IRAK2: variants seen among roughly 807,000 people sequenced by gnomAD.
The protein encoded by IRAK2 is interleukin-1 receptor-associated kinase-like 2.
IRAK2 carries 57 observed loss-of-function variants against 72.0 expected under a neutral mutation model. That is an observed-to-expected ratio of 0.79 (90% confidence interval 0.64 to 0.99). The LOEUF is 0.99. Among genes scored for constraint, IRAK2 ranks in the 50% least tolerant of loss-of-function variants. The pLI is 0.00. For missense variants in IRAK2, 790 were observed against 794.4 expected (o/e 0.99, Z 0.07); for synonymous variants, 293 against 312.7 (o/e 0.94, Z 0.67).
chr3:10,200,825 C>CG, intron 3 of IRAK2, among the ~76,000 whole-genome samples: 1 of 152,300 alleles, frequency 6.6e-6, no homozygotes, highest in African/African-American at 2.4e-5. Context: ...TGCTCGAGCC[C>CG]AGGAGTGCAA....
chr3:10,239,269 C>A (rs907810201), intron 12 of IRAK2, among the ~76,000 whole-genome samples: 1 of 152,202 alleles, frequency 6.6e-6, no homozygotes, highest in Admixed American at 6.5e-5. Flanking sequence ...CCTCCAAAAT[C>A]TCTCTCACCT....
chr3:10,165,799 A>T (rs1019185140), intron 1 of IRAK2, among the ~76,000 whole-genome samples: 39 of 134,380 alleles, frequency 2.9e-4, no homozygotes, highest in Admixed American at 5.1e-4. Context: ...GGCGCGATCT[A>T]GGCTCGTTGC....
intron 4 of IRAK2, among the ~76,000 whole-genome samples, chr3:10,211,997 G>A (rs544986829): frequency 2.0e-5 from 3 of 151,072 alleles, no homozygotes; most frequent in Non-Finnish European, 4.4e-5. Context: ...GGAGAATGGC[G>A]TGAACCTGGG....
At chr3:10,219,627 A>G in intron 7 of IRAK2, 53 bp from the exon 8 acceptor site, 3 of 1,400,200 alleles carry the variant, frequency 2.1e-6, no homozygotes. Context: ...TGCCATCAGG[A>G]CTTTAAAAAG....
chr3:10,236,801 G>C lies in IRAK2; in HGVS notation c.1474-1947G>C, dbSNP rs563432927. Among the ~76,000 whole-genome samples the C allele has an allele frequency of 3.3e-5, 5 of 152,328 alleles. No homozygotes were observed. In the South Asian group the frequency reaches 1.0e-3, roughly 32 times the overall value. On this transcript the variant is annotated intron_variant, in intron 11 of 12. Coordinates refer to ENST00000256458, the MANE Select transcript of IRAK2 (RefSeq NM_001570.4). Reference sequence around the variant, plus strand: ...TGTCACTTAAGGTGCAGGTGAAACTGCTATAACAAGGAGACTGCAAAATGC... The same window carrying C: ...TGTCACTTAAGGTGCAGGTGAAACTCCTATAACAAGGAGACTGCAAAATGC...
At chr3:10,235,161 G>T (rs564775437) in intron 11 of IRAK2, among the ~76,000 whole-genome samples, 1 of 152,250 alleles carries the variant, frequency 6.6e-6, no homozygotes, top group South Asian at 2.1e-4. Flanking sequence ...TCGGCGCCAG[G>T]TCCCAAAGAA....
intron 3 of IRAK2, among the ~76,000 whole-genome samples, chr3:10,207,551 C>G (rs1466965685): frequency 6.6e-6 from 1 of 152,176 alleles, no homozygotes; most frequent in Admixed American, 6.5e-5. Context: ...AGGAGCCCCC[C>G]TACCAGATGG....
At position 10,218,435 on chromosome 3, in the gene IRAK2, A is replaced by C. The variant is rs1438993321; in HGVS notation, c.904-1245A>C. On this transcript the variant is annotated intron_variant, in intron 7 of 12. Coordinates refer to ENST00000256458, the MANE Select transcript of IRAK2 (RefSeq NM_001570.4). Reference sequence around the variant, plus strand: ...TGAGACTCCGTCTCAAAAAAAAAAAAAAAAAAAAAACCAAAACGGTGATGA... The same window carrying C: ...TGAGACTCCGTCTCAAAAAAAAAAACAAAAAAAAAACCAAAACGGTGATGA... Among the ~76,000 whole-genome samples the C allele has an allele frequency of 1.9e-3, 248 of 133,766 alleles. 8 individuals carry two copies. Among genetic ancestry groups the C allele is most frequent in the African/African-American group, 6.2e-3 (223 of 36,088 alleles). 87.8% of individuals were successfully genotyped at this position (133,766 alleles called of 152,430 possible).
intron 1 of IRAK2, among the ~76,000 whole-genome samples, 178 bp from the exon 2 acceptor site, chr3:10,177,660 C>T (rs545559560): frequency 6.3e-4 from 96 of 152,308 alleles, no homozygotes; most frequent in African/African-American, 2.2e-3. Flanking sequence ...GGGTGCCCAG[C>T]AGAGTCAGCG....
intron 12 of IRAK2, 92 bp downstream of exon 12, chr3:10,239,131 C>A: frequency 8.4e-7 from 1 of 1,195,494 alleles, no homozygotes; most frequent in Non-Finnish European, 1.1e-6. Context: ...TCATTCACTC[C>A]TTCATTTGGT....
chr3:10,168,383 G>A (rs1321460476), intron 1 of IRAK2, among the ~76,000 whole-genome samples: 2 of 151,708 alleles, frequency 1.3e-5, no homozygotes, highest in African/African-American at 4.8e-5. Context: ...ACTAATTTTT[G>A]TATCTTCAGT....
intron 1 of IRAK2, 101 bp downstream of exon 1, chr3:10,165,149 G>A: frequency 1.9e-6 from 2 of 1,036,546 alleles, no homozygotes; most frequent in Non-Finnish European, 2.9e-6. Context: ...CGGGTTCAGC[G>A]GGTCCCGATC....
chr3:10,177,255 C>T (rs2125142243), intron 1 of IRAK2, among the ~76,000 whole-genome samples: 1 of 152,268 alleles, frequency 6.6e-6, no homozygotes, highest in Middle Eastern at 3.4e-3. Flanking sequence ...TTGAGTTCCC[C>T]TGACCAGGAC....
At chr3:10,234,968 C>T (rs941985088) in intron 11 of IRAK2, among the ~76,000 whole-genome samples, 1 of 152,224 alleles carries the variant, frequency 6.6e-6, no homozygotes, top group Non-Finnish European at 1.5e-5. Context: ...TCTGTGTTCT[C>T]TGGAGGGAAC....
intron 3 of IRAK2, among the ~76,000 whole-genome samples, chr3:10,208,371 G>A (rs74603251): frequency 7.2e-5 from 11 of 151,726 alleles, no homozygotes; most frequent in African/African-American, 2.7e-4. Context: ...GTGTGATCAT[G>A]GCTCAATATA....
intron 8 of IRAK2, 122 bp from the exon 9 acceptor site, chr3:10,222,514 T>A: frequency 4.0e-6 from 3 of 753,358 alleles, no homozygotes; most frequent in Admixed American, 4.5e-5. Context: ...ATGCTGAGGG[T>A]CTTTAGAGAC....
Position 10,242,751 on chromosome 3 carries a change from C to T in IRAK2, c.*523C>T, listed in dbSNP as rs1368160954. ...GGTCTCGCTTTGTTGGCGCAATCCT[C>T]CCACCTCAGACTCCCAAAGTGCTGG... On this transcript the variant is annotated 3_prime_UTR_variant, in exon 13 of 13. Transcript: ENST00000256458. 1 of 152,182 alleles carries T rather than the reference C, an allele frequency of 6.6e-6. No individual in the cohort carries two copies. 9.4% of individuals were successfully genotyped at this position (152,182 alleles called of 1,614,324 possible).
intron 1 of IRAK2, among the ~76,000 whole-genome samples, chr3:10,173,827 A>T (rs972619131): frequency 1.3e-5 from 2 of 152,216 alleles, no homozygotes; most frequent in Non-Finnish European, 2.9e-5. Flanking sequence ...TCCGTCTGAA[A>T]AAAACTAAAT....
At chr3:10,178,300 A>G (rs989100032) in intron 2 of IRAK2, among the ~76,000 whole-genome samples, 2 of 152,080 alleles carry the variant, frequency 1.3e-5, no homozygotes, top group African/African-American at 4.8e-5. Context: ...TCTACTAAAA[A>G]TACAAAATTA....
Sources: gnomAD v4.1 joint callset for allele counts (sites outside exome capture counted in the v4.1 genomes callset) on GRCh38, gnomAD v4.1.1 for gene constraint, MANE v1.5 for transcripts, NCBI Gene and HGNC (gene_info 2026-07-23, HGNC 2026-07-21) for gene names.